Variants in PITRM1 observed in about 807,000 individuals in gnomAD.
PITRM1 encodes presequence protease, mitochondrial.
Under a neutral mutation model 129.9 loss-of-function variants are expected in PITRM1, and 100 were observed. The observed-to-expected ratio is 0.77, with a 90% CI of 0.65 to 0.91. PITRM1 has a LOEUF of 0.91. PITRM1 is among the 40% of genes least tolerant of loss of function. The pLI is 0.00. For missense variants in PITRM1, 1,471 were observed against 1,318.3 expected (o/e 1.12, Z -1.79); for synonymous variants, 591 against 508.8 (o/e 1.16, Z -2.17).
Position 3,144,379 on chromosome 10 carries a change from T to G in PITRM1, c.2458-13A>C, listed in dbSNP as rs576723299. On this transcript the variant is annotated splice_polypyrimidine_tract_variant and intron_variant, in intron 21 of 26. Transcript: ENST00000224949. ...TGGGCACAGGTTTCTGAAAATCAAG[T>G]TTCCAAGAGAAAAGAGAAAAATCCA... 7.9e-6 allele frequency: 12 copies of G among 1,526,244 alleles called. No individual in the cohort carries two copies. Among genetic ancestry groups the G allele is most frequent in the Non-Finnish European group, 1.1e-5 (12 of 1,127,050 alleles). 94.5% of individuals were successfully genotyped at this position (1,526,244 alleles called of 1,614,324 possible).
At chr10:3,164,168 C>A (rs190399577) in intron 6 of PITRM1, 3 of 188,116 alleles carry the variant, frequency 1.6e-5, no homozygotes, top group African/African-American at 7.0e-5. Flanking sequence ...GGCTGTAAAT[C>A]GGGATGGATC....
intron 7 of PITRM1, among the ~76,000 whole-genome samples, chr10:3,162,836 C>T (rs930033780): frequency 3.9e-5 from 6 of 152,230 alleles, no homozygotes; most frequent in African/African-American, 9.6e-5. Context: ...AGGAGAAACC[C>T]GGGCCGACCA....
At position 3,158,942 on chromosome 10, in the gene PITRM1, G is replaced by C. The variant is rs549015850; in HGVS notation, c.1108C>G (p.Leu370Val). 4 of 1,613,628 alleles carry C rather than the reference G, an allele frequency of 2.5e-6. No individual in the cohort carries two copies. ...PFYKALIESG[L>V]GTDFSPDVGY... ...ACATCAGGAGAAAAGTCTGTGCCAA[G>C]GCCAGATTCAATCAAGGCTTTGTAA... Residue 370 changes from leucine to valine, a missense_variant, in exon 10 of 27, where the codon CTT becomes GTT. Coordinates refer to ENST00000224949, the MANE Select transcript of PITRM1 (RefSeq NM_014889.4).
Position 3,158,001 on chromosome 10 carries a change from A to G in PITRM1, c.1250+39T>C, listed in dbSNP as rs762319264. The G allele has an allele frequency of 4.0e-6, 5 of 1,256,400 alleles. No individual in the cohort carries two copies. In the East Asian group the frequency reaches 1.2e-4, roughly 29 times the overall value. 77.8% of individuals were successfully genotyped at this position (1,256,400 alleles called of 1,614,324 possible). On this transcript the variant is annotated intron_variant, in intron 11 of 26. Transcript: ENST00000224949. ...TTCTCCCAAAAAGCACACAGGAATG[A>G]GGAACGAAAGCAGATTGTTACAAAC...
intron 9 of PITRM1, 97 bp downstream of exon 9, chr10:3,159,747 TATTA>T (rs1465180449): frequency 2.9e-5 from 20 of 689,852 alleles, no homozygotes; most frequent in Admixed American, 1.4e-4. Context: ...CCTAACCGTA[TATTA>T]ATTAACATTC....
In PITRM1 at chr10:3,157,531, C is replaced by G; in HGVS notation, c.1251G>C (p.Glu417Asp). 1 of 1,572,674 alleles carries G rather than the reference C, an allele frequency of 6.4e-7. No homozygotes were observed. Among genetic ancestry groups the G allele is most frequent in the South Asian group, 1.1e-5 (1 of 89,280 alleles). Residue 417 changes from glutamate (E) to aspartate (D), a missense_variant and splice_region_variant, in exon 12 of 27, where the codon GAG becomes GAC. By Grantham distance (45) the Glu-to-Asp change is conservative. Transcript: ENST00000224949. ...CAATTCGATCATCTTCAAATCCTTT[C>G]CTAAAGAATACAATGAAGAACAAAG... ...LIDRTIDEVVEKGFEDDRIEA... is the reference protein window; with the variant it reads ...LIDRTIDEVVDKGFEDDRIEA...
At position 3,172,746 on chromosome 10, in the gene PITRM1, G is replaced by A. The variant is rs771866731; in HGVS notation, c.27C>T (p.Gly9=). Residue 9 remains glycine (G), a synonymous_variant, in exon 1 of 27, where the codon GGC becomes GGT. Coordinates refer to ENST00000224949, the MANE Select transcript of PITRM1 (RefSeq NM_014889.4). The part of the protein sequence containing the change: MWRCGGRQ[G]LCVLRRLSGG... ...CGCTCAGCCGCCTCAGCACACACAG[G>A]CCCTGCCGCCCGCCGCAGCGCCACA... 70 of 1,545,596 alleles carry A rather than the reference G, an allele frequency of 4.5e-5. No individual in the cohort carries two copies. In the East Asian group the frequency reaches 1.3e-3, roughly 28 times the overall value.
intron 7 of PITRM1, among the ~76,000 whole-genome samples, chr10:3,162,240 T>C (rs1156346716): frequency 6.6e-6 from 1 of 151,342 alleles, no homozygotes; most frequent in Non-Finnish European, 1.5e-5. Context: ...CTCCTCAAAC[T>C]GGACTTCCCA....
At chr10:3,138,573 G>A (rs1188351242) in intron 25 of PITRM1, 5 of 604,658 alleles carry the variant, frequency 8.3e-6, no homozygotes, top group South Asian at 2.0e-5. Context: ...CGCCGCGTGA[G>A]GCTGATGATG....
intron 24 of PITRM1, among the ~76,000 whole-genome samples, chr10:3,139,944 C>G (rs1289915069): frequency 6.6e-6 from 1 of 152,200 alleles, no homozygotes; most frequent in African/African-American, 2.4e-5. Context: ...GAACTGCATC[C>G]ACATCAGGCA....
intron 12 of PITRM1, 77 bp downstream of exon 12, chr10:3,157,358 C>G: frequency 1.2e-6 from 1 of 844,438 alleles, no homozygotes; most frequent in Non-Finnish European, 1.8e-6. Context: ...ATAAAAATAT[C>G]AAAAAGCCAG....
chr10:3,144,022 G>A (rs1198568909), intron 22 of PITRM1: 2 of 565,152 alleles, frequency 3.5e-6, no homozygotes, highest in African/African-American at 3.8e-5. Flanking sequence ...CAGAGCAGTA[G>A]CCCTCTTCCT....
chr10:3,159,809 T>C (rs940684480), intron 9 of PITRM1, 39 bp downstream of exon 9: 2 of 1,212,658 alleles, frequency 1.6e-6, no homozygotes, highest in Non-Finnish European at 2.4e-6. Context: ...ATTTTCCTCA[T>C]GTTTTTGTCT....
rs1163264621 is a variant in PITRM1, at chr10:3,140,739, C to T, written c.2719G>A (p.Gly907Ser). Residue 907 changes from glycine to serine, a missense_variant, in exon 24 of 27, where the codon GGT (glycine) becomes AGT (serine). By Grantham distance (56) the Gly-to-Ser change is moderately conservative. Coordinates refer to ENST00000224949, the MANE Select transcript of PITRM1 (RefSeq NM_014889.4). ...TTGTGGCTGAGTTTTGCGCCTCCAC[C>T]ATAAGCACCGCCTTTTTCTCGAATT... ...TEIREKGGAYGGGAKLSHNGI... is the reference protein window; with the variant it reads ...TEIREKGGAYSGGAKLSHNGI... 6.3e-7 allele frequency: 1 copy of T among 1,598,056 alleles called. No individual in the cohort carries two copies. The highest frequency in any genetic ancestry group is 2.2e-5 in the East Asian group (1 of 44,530).
In PITRM1 at chr10:3,138,916, G is replaced by A; in HGVS notation, c.2905C>T (p.Pro969Ser). The A allele has an allele frequency of 6.2e-7, 1 of 1,613,926 alleles. No individual in the cohort carries two copies. The highest frequency in any genetic ancestry group is 8.5e-7 in the Non-Finnish European group (1 of 1,179,802). The change falls in exon 25 of 27, where the codon CCT becomes TCT. Residue 969 changes from proline to serine, a missense_variant. Pro to Ser is a moderately conservative substitution (Grantham distance 74, BLOSUM62 -1). Coordinates refer to ENST00000224949, the MANE Select transcript of PITRM1 (RefSeq NM_014889.4). Reference protein sequence around the residue: ...VFSTVDAPVAPSDKGMDHFLY... With the variant: ...VFSTVDAPVASSDKGMDHFLY... ...ATACTCAAAATACCTTTGTCTGAAG[G>A]AGCGACAGGAGCATCTACGGTTGAG...
At chr10:3,162,503 T>C (rs947279093) in intron 7 of PITRM1, among the ~76,000 whole-genome samples, 1 of 152,226 alleles carries the variant, frequency 6.6e-6, no homozygotes, top group Admixed American at 6.5e-5. Flanking sequence ...AGATGGTCTG[T>C]GGCTGAAGGG....
chr10:3,157,411 CA>C (rs1564417122), intron 12 of PITRM1, 23 bp downstream of exon 12: 1 of 1,463,696 alleles, frequency 6.8e-7, no homozygotes, highest in Non-Finnish European at 9.4e-7. Context: ...AAAACAAAAA[CA>C]AAATTGTTGA....
chr10:3,143,097 A>C (rs970466360), intron 23 of PITRM1: 2 of 390,482 alleles, frequency 5.1e-6, no homozygotes, highest in Non-Finnish European at 9.4e-6. Flanking sequence ...AGGTGAGTAC[A>C]TGGGGCATGT....
In PITRM1 at chr10:3,159,024, T is replaced by G; in HGVS notation, c.1026A>C (p.Glu342Asp). ...AAGACAGAAGACTTAATGTGAAGGCTTCAAATGTGTCGGTGATGCTGCATT... is the reference window on the plus strand; with the variant it reads ...AAGACAGAAGACTTAATGTGAAGGCGTCAAATGTGTCGGTGATGCTGCATT... ...FLLPDITDTF[E>D]AFTLSLLSSL... is the part of the protein sequence containing the mutation. Residue 342 changes from glutamate (E) to aspartate (D), a missense_variant, in exon 10 of 27, where the codon GAA (glutamate) becomes GAC (aspartate). Coordinates refer to ENST00000224949, the MANE Select transcript of PITRM1 (RefSeq NM_014889.4). 6.2e-7 allele frequency: 1 copy of G among 1,613,156 alleles called. No individual in the cohort carries two copies. Among genetic ancestry groups the G allele is most frequent in the Non-Finnish European group, 8.5e-7 (1 of 1,179,592 alleles).
Sources: gnomAD v4.1 joint callset for allele counts (sites outside exome capture counted in the v4.1 genomes callset) on GRCh38, gnomAD v4.1.1 for gene constraint, MANE v1.5 for transcripts, NCBI Gene and HGNC (gene_info 2026-07-23, HGNC 2026-07-21) for gene names.